CLIP1: variants seen among roughly 807,000 people sequenced by gnomAD.
The protein encoded by CLIP1 is CAP-Gly domain-containing linker protein 1.
A neutral mutation model predicts 161.6 loss-of-function variants in CLIP1; 66 were observed. That is an observed-to-expected ratio of 0.41 (90% CI 0.33 to 0.50). The LOEUF (loss-of-function observed/expected upper bound fraction) is 0.50, where lower values mean the gene tolerates loss of function less well. Ranked by LOEUF, CLIP1 falls within the 20% of genes least tolerant of loss-of-function variation. CLIP1 has a pLI of 0.27. For synonymous variants in CLIP1, 598 were observed against 626.2 expected (o/e 0.96, Z 0.67); for missense variants, 1,376 against 1,702.0 (o/e 0.81, Z 3.37).
At chr12:122,417,845 T>C (rs1199462265) in intron 1 of CLIP1, among the ~76,000 whole-genome samples, 3 of 152,090 alleles carry the variant, frequency 2.0e-5, no homozygotes, top group Non-Finnish European at 2.9e-5. Flanking sequence ...TTTCAACAAA[T>C]ACATATTTTA....
At chr12:122,288,095 C>T (rs1231888712) in intron 21 of CLIP1, among the ~76,000 whole-genome samples, 3 of 151,526 alleles carry the variant, frequency 2.0e-5, no homozygotes, top group African/African-American at 4.9e-5. Flanking sequence ...TGCAGTGGCG[C>T]GATCTCGGCT....
At chr12:122,409,874 A>T (rs866502211) in intron 1 of CLIP1, among the ~76,000 whole-genome samples, 1,452 of 142,008 alleles carry the variant, frequency 0.01, 24 homozygotes, top group African/African-American at 0.035. Flanking sequence ...TGTTATTTTT[A>T]TTTTTTTTTT....
chr12:122,319,471 G>A, intron 17 of CLIP1, 123 bp from the exon 18 acceptor site: 1 of 692,076 alleles, frequency 1.4e-6, no homozygotes, highest in Non-Finnish European at 2.6e-6. Context: ...CACACAGAGA[G>A]GGTGAATCAG....
rs1475056004 is a variant in CLIP1, at chr12:122,352,774, G to A, written c.1320C>T (p.Asp440=). ...ATTCTTCTTCAACCCGGAACTGAAG[G>A]TCCTCAACCTTCCTGTGGAATAAAA... The part of the protein sequence containing the change: ...QLEEEKRKVE[D]LQFRVEEESI... Residue 440 remains aspartate, a synonymous_variant, in exon 8 of 26, where the codon GAC becomes GAT. Coordinates refer to ENST00000620786, the MANE Select transcript of CLIP1 (RefSeq NM_001247997.2). 23 of 1,613,736 alleles carry A rather than the reference G, an allele frequency of 1.4e-5. No individual in the cohort carries two copies. Among genetic ancestry groups the A allele is most frequent in the Non-Finnish European group, 1.9e-5 (22 of 1,179,788 alleles).
intron 1 of CLIP1, among the ~76,000 whole-genome samples, chr12:122,409,678 C>T (rs1956455232): frequency 6.7e-6 from 1 of 150,314 alleles, no homozygotes; most frequent in Non-Finnish European, 1.5e-5. Context: ...ATTACAGGCC[C>T]CTGCCACCAC....
chr12:122,394,684 G>A (rs1295532763), intron 1 of CLIP1, among the ~76,000 whole-genome samples: 2 of 151,238 alleles, frequency 1.3e-5, no homozygotes, highest in Non-Finnish European at 2.9e-5. Context: ...TCAGGAGATC[G>A]AGACCATCCT....
intron 17 of CLIP1, among the ~76,000 whole-genome samples, chr12:122,319,755 C>T (rs1228965597): frequency 2.0e-5 from 3 of 152,132 alleles, no homozygotes; most frequent in Admixed American, 1.3e-4. Context: ...GTTTAAAATA[C>T]CATCCTTGCT....
chr12:122,404,787 C>T (rs1956264356), intron 1 of CLIP1, among the ~76,000 whole-genome samples: 1 of 148,326 alleles, frequency 6.7e-6, no homozygotes, highest in South Asian at 2.2e-4. Context: ...CCTGTAGTCC[C>T]AACAACTCAG....
At chr12:122,337,732 T>G (rs1952298628) in intron 11 of CLIP1, among the ~76,000 whole-genome samples, 1 of 152,102 alleles carries the variant, frequency 6.6e-6, no homozygotes, top group African/African-American at 2.4e-5. Context: ...TTTAAAAACC[T>G]TGGCTGGTCA....
chr12:122,391,133 C>T (rs1460019742), intron 1 of CLIP1, among the ~76,000 whole-genome samples: 1 of 152,022 alleles, frequency 6.6e-6, no homozygotes. Flanking sequence ...ACTAAAAATA[C>T]AAAAATTAGC....
intron 3 of CLIP1, among the ~76,000 whole-genome samples, chr12:122,377,011 ATT>A (rs1292855847): frequency 1.2e-4 from 16 of 135,834 alleles, no homozygotes; most frequent in Non-Finnish European, 1.1e-4. Flanking sequence ...TATTTCTGGC[ATT>A]TTTTTTTTTT....
chr12:122,307,525 A>C (rs1950918793), intron 20 of CLIP1, among the ~76,000 whole-genome samples: 1 of 152,194 alleles, frequency 6.6e-6, no homozygotes, highest in African/African-American at 2.4e-5. Context: ...AGAATGAAAA[A>C]GCAAATTTTT....
chr12:122,409,812 G>A (rs906205958), intron 1 of CLIP1, among the ~76,000 whole-genome samples: 32 of 151,652 alleles, frequency 2.1e-4, no homozygotes, highest in African/African-American at 7.5e-4. Context: ...GATGACAGGC[G>A]TGGGCCACCG....
At position 122,273,008 on chromosome 12, in the gene CLIP1, G is replaced by A. The variant is rs267603352; in HGVS notation, c.4184C>T (p.Thr1395Ile). The change falls in exon 26 of 26, where the codon ACC becomes ATC. Residue 1395 changes from threonine (T) to isoleucine (I), a missense_variant. Thr to Ile is a moderately conservative substitution (Grantham distance 89). This residue lies in a region of CLIP1 where 948 missense variants were observed against 1,134.8 expected (regional missense o/e 0.84). Transcript: ENST00000620786. Reference sequence around the variant, plus strand: ...AGGGTCCTCTGACATCTGTGCCTGGGTAGGACAATCCTCTGTGTCGTGGAG... The same window carrying A: ...AGGGTCCTCTGACATCTGTGCCTGGATAGGACAATCCTCTGTGTCGTGGAG... Reference protein sequence around the residue: ...FDLHDTEDCPTQAQMSEDPPH... With the variant: ...FDLHDTEDCPIQAQMSEDPPH... 1 of 1,614,202 alleles carries A rather than the reference G, an allele frequency of 6.2e-7. No individual in the cohort carries two copies. Among genetic ancestry groups the A allele is most frequent in the East Asian group, 2.2e-5 (1 of 44,890 alleles).
chr12:122,398,137 T>G (rs1414933007), intron 1 of CLIP1, among the ~76,000 whole-genome samples: 1 of 151,490 alleles, frequency 6.6e-6, no homozygotes, highest in Admixed American at 6.6e-5. Context: ...TTTAAGGGAC[T>G]GGGCTTGGTG....
At chr12:122,374,892 T>G (rs958064044) in intron 3 of CLIP1, among the ~76,000 whole-genome samples, 2 of 152,124 alleles carry the variant, frequency 1.3e-5, no homozygotes, top group African/African-American at 4.8e-5. Context: ...ACAAGTCACC[T>G]CCTCATATAT....
intron 20 of CLIP1, among the ~76,000 whole-genome samples, chr12:122,297,388 C>T (rs1950515550): frequency 6.6e-6 from 1 of 152,160 alleles, no homozygotes. Flanking sequence ...GTGATCTCCC[C>T]TATTTTTGGA....
At chr12:122,396,441 G>A (rs576772636) in intron 1 of CLIP1, 1 of 152,232 alleles carries the variant, frequency 6.6e-6, no homozygotes, top group Admixed American at 6.5e-5. Flanking sequence ...TTATTTCTAA[G>A]TGCTTAAAAA....
intron 23 of CLIP1, 146 bp from the exon 24 acceptor site, chr12:122,278,349 G>C: frequency 2.7e-6 from 2 of 750,152 alleles, no homozygotes; most frequent in Admixed American, 2.4e-5. Flanking sequence ...CAGCACATGT[G>C]GATGAGTTTG....
Sources: allele counts gnomAD v4.1 joint callset (sites outside exome capture counted in the v4.1 genomes callset), GRCh38; gene constraint gnomAD v4.1.1; regional missense constraint gnomAD v4.1.1; transcripts MANE v1.5; gene names NCBI Gene and HGNC (gene_info 2026-07-23, HGNC 2026-07-21).